Variants in CREB5 observed in about 807,000 individuals in gnomAD.
CREB5 encodes cAMP responsive element binding protein 5.
Under a neutral mutation model 57.1 loss-of-function variants are expected in CREB5, and 19 were observed. The ratio of observed to expected loss-of-function variants is 0.33; its 90% confidence interval spans 0.23 to 0.49. The LOEUF (loss-of-function observed/expected upper bound fraction) is 0.49, where lower values mean the gene tolerates loss of function less well. Ranked by LOEUF, CREB5 falls within the 20% of genes least tolerant of loss-of-function variation. The pLI, the probability that CREB5 is intolerant of heterozygous loss-of-function variation, is 0.99. For missense variants in CREB5, 579 were observed against 671.6 expected, an observed-to-expected ratio of 0.86 and a Z score of 1.52; for synonymous variants, 238 against 238.3, an observed-to-expected ratio of 1.00 and a Z score of 0.01.
At chr7:28,638,942 C>T (rs556243354) in intron 5 of CREB5, among the ~76,000 whole-genome samples, 13 of 152,024 alleles carry the variant, frequency 8.6e-5, no homozygotes, top group Non-Finnish European at 1.6e-4. Flanking sequence ...TCTTACCCTG[C>T]TTATTTATTG....
intron 7 of CREB5, among the ~76,000 whole-genome samples, chr7:28,727,961 T>G (rs145779981): frequency 2.0e-5 from 3 of 149,484 alleles, no homozygotes; most frequent in Non-Finnish European, 3.0e-5. Flanking sequence ...TGTTTGTTTG[T>G]TTGAGGCAGG....
At chr7:28,302,837 A>G (rs1785120470) in intron 1 of CREB5, among the ~76,000 whole-genome samples, 1 of 152,312 alleles carries the variant, frequency 6.6e-6, no homozygotes, top group Middle Eastern at 3.4e-3. Flanking sequence ...CAAGAATTAC[A>G]TAAATCACCT....
chr7:28,506,172 C>T (rs1379234461), intron 3 of CREB5, among the ~76,000 whole-genome samples: 10 of 152,112 alleles, frequency 6.6e-5, no homozygotes, highest in Middle Eastern at 3.2e-3. Context: ...AGGGCTGATT[C>T]GGTGGGGGAT....
At chr7:28,590,188 A>G (rs1401917145) in intron 5 of CREB5, among the ~76,000 whole-genome samples, 1 of 152,158 alleles carries the variant, frequency 6.6e-6, no homozygotes, top group East Asian at 1.9e-4. Flanking sequence ...GTATATACCC[A>G]AAGGACTATA....
At chr7:28,732,633 T>C (rs1307394426) in intron 7 of CREB5, among the ~76,000 whole-genome samples, 2 of 152,220 alleles carry the variant, frequency 1.3e-5, no homozygotes, top group Non-Finnish European at 2.9e-5. Context: ...TTTCTTGGAA[T>C]GTTTGTAGCT....
At chr7:28,790,252 T>C (rs1413964007) in intron 7 of CREB5, among the ~76,000 whole-genome samples, 2 of 152,180 alleles carry the variant, frequency 1.3e-5, no homozygotes, top group Non-Finnish European at 2.9e-5. Flanking sequence ...GTCCTACTCA[T>C]AGCAAATGTT....
At chr7:28,726,683 C>G (rs914146004) in intron 7 of CREB5, 4 of 152,270 alleles carry the variant, frequency 2.6e-5, no homozygotes, top group African/African-American at 9.6e-5. Context: ...TTTTCAAGGA[C>G]TTTTCCAAAG....
intron 1 of CREB5, among the ~76,000 whole-genome samples, chr7:28,461,805 C>A (rs1364213610): frequency 1.3e-5 from 2 of 151,982 alleles, no homozygotes; most frequent in African/African-American, 4.8e-5. Context: ...ATATGTAAAT[C>A]CATTGTCATT....
At chr7:28,811,510 C>T (rs757824145) in intron 9 of CREB5, among the ~76,000 whole-genome samples, 5 of 152,132 alleles carry the variant, frequency 3.3e-5, no homozygotes, top group Non-Finnish European at 7.3e-5. Flanking sequence ...CCACCTCAGC[C>T]TCCCAAGGTG....
At chr7:28,359,806 T>C (rs1351625651) in intron 1 of CREB5, among the ~76,000 whole-genome samples, 3 of 152,118 alleles carry the variant, frequency 2.0e-5, no homozygotes, top group Non-Finnish European at 2.9e-5. Context: ...AGAAAAAATA[T>C]ACTGGTAAGG....
At chr7:28,596,522 G>C (rs1358274220) in intron 5 of CREB5, among the ~76,000 whole-genome samples, 1 of 152,228 alleles carries the variant, frequency 6.6e-6, no homozygotes, top group Non-Finnish European at 1.5e-5. Context: ...ATTGAAAGGA[G>C]AATGCACTAG....
intron 5 of CREB5, among the ~76,000 whole-genome samples, chr7:28,692,754 G>A (rs368483499): frequency 5.1e-4 from 78 of 152,152 alleles, no homozygotes; most frequent in African/African-American, 1.8e-3. Context: ...GGGTGAGAGA[G>A]CAACTCCATC....
At chr7:28,736,343 A>G (rs1803978395) in intron 7 of CREB5, among the ~76,000 whole-genome samples, 1 of 151,616 alleles carries the variant, frequency 6.6e-6, no homozygotes, top group African/African-American at 2.4e-5. Flanking sequence ...CTAATTTTGT[A>G]TTTTTAGTAA....
intron 7 of CREB5, among the ~76,000 whole-genome samples, chr7:28,730,639 G>A (rs1803563974): frequency 1.3e-5 from 2 of 152,124 alleles, no homozygotes; most frequent in Admixed American, 1.3e-4. Flanking sequence ...CAGCAGTAGG[G>A]ATTGTTATCC....
intron 9 of CREB5, among the ~76,000 whole-genome samples, chr7:28,813,019 G>T (rs973318389): frequency 6.6e-6 from 1 of 152,196 alleles, no homozygotes; most frequent in East Asian, 1.9e-4. Context: ...TCATTTCCTA[G>T]TCTCACAACA....
chr7:28,492,358 T>TATGGAGGA (rs1791843575), intron 2 of CREB5, among the ~76,000 whole-genome samples: 1 of 152,252 alleles, frequency 6.6e-6, no homozygotes, highest in South Asian at 2.1e-4. Context: ...AGGAAGAGTT[T>TATGGAGGA]CTCTTGCCCT....
intron 5 of CREB5, among the ~76,000 whole-genome samples, chr7:28,668,155 G>A (rs1799897964): frequency 6.6e-6 from 1 of 152,076 alleles, no homozygotes; most frequent in Non-Finnish European, 1.5e-5. Context: ...ATGAGGACAC[G>A]GAAAGAAACT....
At chr7:28,546,933 G>C (rs1794446884) in intron 4 of CREB5, among the ~76,000 whole-genome samples, 1 of 152,234 alleles carries the variant, frequency 6.6e-6, no homozygotes. Flanking sequence ...TTGGGGGTCA[G>C]AACTAGAGAA....
intron 4 of CREB5, among the ~76,000 whole-genome samples, chr7:28,550,555 G>A (rs1039988533): frequency 3.9e-5 from 6 of 152,062 alleles, no homozygotes; most frequent in Non-Finnish European, 7.4e-5. Context: ...TCTCTTCCCC[G>A]ACTACTTTCC....
Sources: gnomAD v4.1 joint callset for allele counts (sites outside exome capture counted in the v4.1 genomes callset) on GRCh38, gnomAD v4.1.1 for gene constraint, MANE v1.5 for transcripts, NCBI Gene and HGNC (gene_info 2026-07-23, HGNC 2026-07-21) for gene names.